Variants in DENND1A observed in about 807,000 individuals in gnomAD.
DENND1A encodes the protein DENN domain-containing protein 1A.
DENND1A carries 51 observed loss-of-function variants against 113.7 expected under a neutral mutation model. The ratio of observed to expected loss-of-function variants is 0.45; its 90% CI spans 0.36 to 0.57. The LOEUF (loss-of-function observed/expected upper bound fraction) is 0.57. DENND1A is among the 20% of genes least tolerant of loss of function. The pLI, the probability that DENND1A is intolerant of heterozygous loss-of-function variation, is 0.00. For synonymous variants in DENND1A, 565 were observed against 570.8 expected (o/e 0.99, Z 0.14); for missense variants, 1,258 against 1,395.9 (o/e 0.90, Z 1.57).
At chr9:123,819,422 GAAC>G (rs530559127) in intron 2 of DENND1A, among the ~76,000 whole-genome samples, 15 of 152,172 alleles carry the variant, frequency 9.9e-5, no homozygotes, top group Non-Finnish European at 1.5e-4. Flanking sequence ...GAGATTCAGA[GAAC>G]AACAGATACA....
chr9:123,900,826 T>C (rs1451619998), intron 1 of DENND1A, among the ~76,000 whole-genome samples: 2 of 152,234 alleles, frequency 1.3e-5, no homozygotes, highest in East Asian at 1.9e-4. Context: ...CTCTGTGACC[T>C]TGTGCAACTG....
intron 5 of DENND1A, among the ~76,000 whole-genome samples, chr9:123,722,922 C>A (rs1046057981): frequency 6.6e-6 from 1 of 152,216 alleles, no homozygotes; most frequent in South Asian, 2.1e-4. Context: ...GAGAAAAGGG[C>A]CACCATCCTC....
At chr9:123,848,256 A>G (rs1185650029) in intron 2 of DENND1A, among the ~76,000 whole-genome samples, 1 of 140,752 alleles carries the variant, frequency 7.1e-6, no homozygotes, top group Admixed American at 7.1e-5. Context: ...AAAAAAAAAA[A>G]ACAAATTGAA....
At chr9:123,447,510 C>G (rs2047393074) in intron 18 of DENND1A, among the ~76,000 whole-genome samples, 1 of 152,190 alleles carries the variant, frequency 6.6e-6, no homozygotes, top group Admixed American at 6.5e-5. Context: ...GGTGACCTCT[C>G]CACAGGTCGG....
intron 2 of DENND1A, among the ~76,000 whole-genome samples, chr9:123,807,550 T>C (rs920416866): frequency 1.3e-5 from 2 of 152,244 alleles, no homozygotes; most frequent in African/African-American, 2.4e-5. Flanking sequence ...CCAGAACCCA[T>C]GTCTCCTTAC....
At chr9:123,496,759 T>C (rs1467664557) in intron 13 of DENND1A, among the ~76,000 whole-genome samples, 1 of 152,192 alleles carries the variant, frequency 6.6e-6, no homozygotes, top group Non-Finnish European at 1.5e-5. Context: ...GAAGCTGCTA[T>C]TGGGACACCG....
intron 5 of DENND1A, among the ~76,000 whole-genome samples, chr9:123,746,708 T>G (rs2069542520): frequency 6.6e-6 from 1 of 152,160 alleles, no homozygotes; most frequent in African/African-American, 2.4e-5. Context: ...TCCTTGAAAG[T>G]TAAACTGTCC....
At chr9:123,725,764 C>T (rs2067662052) in intron 5 of DENND1A, among the ~76,000 whole-genome samples, 1 of 152,248 alleles carries the variant, frequency 6.6e-6, no homozygotes, top group African/African-American at 2.4e-5. Flanking sequence ...TTGTAAACAA[C>T]TTCTTGTGCT....
intron 21 of DENND1A, among the ~76,000 whole-genome samples, chr9:123,402,295 G>A (rs2043546167): frequency 6.6e-6 from 1 of 152,100 alleles, no homozygotes; most frequent in Non-Finnish European, 1.5e-5. Context: ...GAACTTTCTG[G>A]GCAAAGTCTG....
chr9:123,589,256 C>T (rs1019077207), intron 11 of DENND1A, among the ~76,000 whole-genome samples: 5 of 151,974 alleles, frequency 3.3e-5, no homozygotes, highest in Non-Finnish European at 5.9e-5. Context: ...TATATAATAT[C>T]GTCATGAAAT....
chr9:123,749,342 T>C (rs550854543), intron 5 of DENND1A, among the ~76,000 whole-genome samples: 1 of 152,328 alleles, frequency 6.6e-6, no homozygotes, highest in Non-Finnish European at 1.5e-5. Context: ...TATATACATA[T>C]AGAAAGAGAG....
chr9:123,595,920 C>T (rs756192495), intron 11 of DENND1A, among the ~76,000 whole-genome samples: 1 of 152,154 alleles, frequency 6.6e-6, no homozygotes, highest in Non-Finnish European at 1.5e-5. Context: ...CCATCCAGAA[C>T]GGAGTGGGGA....
intron 12 of DENND1A, among the ~76,000 whole-genome samples, chr9:123,558,868 A>C (rs1375126041): frequency 6.6e-6 from 1 of 152,196 alleles, no homozygotes; most frequent in Non-Finnish European, 1.5e-5. Flanking sequence ...ATTATTTCCT[A>C]TGTACCGAGG....
At chr9:123,731,372 G>A (rs1174375143) in intron 5 of DENND1A, among the ~76,000 whole-genome samples, 1 of 151,582 alleles carries the variant, frequency 6.6e-6, no homozygotes, top group African/African-American at 2.4e-5. Flanking sequence ...CAGAACAATG[G>A]AACAGAATAG....
chr9:123,540,969 C>T (rs1002290979), intron 13 of DENND1A, among the ~76,000 whole-genome samples: 3 of 152,194 alleles, frequency 2.0e-5, no homozygotes, highest in Non-Finnish European at 4.4e-5. Flanking sequence ...TGGCACCTAC[C>T]TCACCTCACC....
At position 123,582,076 on chromosome 9, in the gene DENND1A, G is replaced by A. The variant is rs112149909; in HGVS notation, c.867+1093C>T. Among the ~76,000 whole-genome samples the A allele has an allele frequency of 1.8e-3, 270 of 152,248 alleles. 1 individual carries two copies. Among genetic ancestry groups the A allele is most frequent in the African/African-American group, 6.2e-3 (258 of 41,540 alleles). ...AACCCACATTCTGTGTAGACCTGAG[G>A]CAACAAAGTGCAATGCGGAGGGTGC... On this transcript the variant is annotated intron_variant, in intron 12 of 23. Transcript: ENST00000394215.
chr9:123,844,242 T>C (rs1201952339), intron 2 of DENND1A, among the ~76,000 whole-genome samples: 1 of 152,034 alleles, frequency 6.6e-6, no homozygotes, highest in Non-Finnish European at 1.5e-5. Flanking sequence ...GAAAAAGAAA[T>C]AAAAGTCATC....
At chr9:123,834,199 C>T (rs1200351801) in intron 2 of DENND1A, among the ~76,000 whole-genome samples, 1 of 152,138 alleles carries the variant, frequency 6.6e-6, no homozygotes, top group Non-Finnish European at 1.5e-5. Context: ...AAGGAATCTA[C>T]CTCCTCCACA....
At chr9:123,772,224 A>T (rs559292161) in intron 3 of DENND1A, among the ~76,000 whole-genome samples, 2 of 152,318 alleles carry the variant, frequency 1.3e-5, no homozygotes, top group African/African-American at 4.8e-5. Flanking sequence ...TTACACATAA[A>T]CATTCATGTC....
Sources: gnomAD v4.1 joint callset for allele counts (sites outside exome capture counted in the v4.1 genomes callset) on GRCh38, gnomAD v4.1.1 for gene constraint, MANE v1.5 for transcripts, NCBI Gene and HGNC (gene_info 2026-07-23, HGNC 2026-07-21) for gene names.